The following CCSER1 variants were observed in gnomAD, a reference collection of about 807,000 sequenced individuals.
CCSER1 encodes coiled-coil serine rich protein 1.
Under a neutral mutation model 82.0 loss-of-function variants are expected in CCSER1, and 41 were observed. The ratio of observed to expected loss-of-function variants is 0.50; its 90% CI spans 0.39 to 0.65. CCSER1 has a LOEUF of 0.65. Among genes scored for constraint, CCSER1 ranks in the 30% least tolerant of loss-of-function variants. The pLI is 0.00. For synonymous variants in CCSER1, 414 were observed against 383.9 expected (o/e 1.08, Z -0.92); for missense variants, 1,119 against 1,064.2 (o/e 1.05, Z -0.72).
At chr4:91,254,241 C>T (rs985423512) in intron 10 of CCSER1, among the ~76,000 whole-genome samples, 5 of 152,134 alleles carry the variant, frequency 3.3e-5, no homozygotes, top group Non-Finnish European at 5.9e-5. Flanking sequence ...AGACTTTACT[C>T]GACAACAGCA....
chr4:91,515,265 C>G (rs1343456228), intron 10 of CCSER1, among the ~76,000 whole-genome samples: 1 of 152,008 alleles, frequency 6.6e-6, no homozygotes, highest in African/African-American at 2.4e-5. Flanking sequence ...TAGGTAAAGT[C>G]AAGTCATGGG....
At chr4:91,153,027 C>T (rs1019814609) in intron 10 of CCSER1, among the ~76,000 whole-genome samples, 1 of 151,868 alleles carries the variant, frequency 6.6e-6, no homozygotes, top group African/African-American at 2.4e-5. Context: ...TTGTGGCGTT[C>T]TCTGTATTTC....
intron 10 of CCSER1, among the ~76,000 whole-genome samples, chr4:91,164,794 GTCT>G (rs1464656881): frequency 6.6e-6 from 1 of 152,056 alleles, no homozygotes; most frequent in Non-Finnish European, 1.5e-5. Context: ...GTCATTTAAG[GTCT>G]TCTCCACACT....
chr4:90,579,644 G>A (rs190993477), intron 5 of CCSER1, among the ~76,000 whole-genome samples: 20 of 152,230 alleles, frequency 1.3e-4, no homozygotes, highest in African/African-American at 4.1e-4. Flanking sequence ...ACTAGATGGT[G>A]TAAAACACTA....
At chr4:91,263,919 C>T (rs1012524949) in intron 10 of CCSER1, among the ~76,000 whole-genome samples, 1 of 151,710 alleles carries the variant, frequency 6.6e-6, no homozygotes, top group Non-Finnish European at 1.5e-5. Context: ...TGTGGTTTGT[C>T]AAAATAAAAA....
chr4:91,333,528 C>A (rs964276731), intron 10 of CCSER1, among the ~76,000 whole-genome samples: 7 of 152,002 alleles, frequency 4.6e-5, no homozygotes, highest in African/African-American at 1.7e-4. Context: ...GACAGATTTT[C>A]ATTTTATGAT....
chr4:90,418,696 A>C (rs116307569), intron 4 of CCSER1, among the ~76,000 whole-genome samples: 2,694 of 152,154 alleles, frequency 0.018, 49 homozygotes, highest in African/African-American at 0.036. Flanking sequence ...TGTTAAAATC[A>C]CATGTTCACT....
At chr4:90,543,962 CAGATATTGACAGAA>C in intron 5 of CCSER1, among the ~76,000 whole-genome samples, 1 of 152,192 alleles carries the variant, frequency 6.6e-6, no homozygotes, top group East Asian at 1.9e-4. Flanking sequence ...CACAGTTTTA[CAGATATTGACAGAA>C]AGATATGAGG....
chr4:90,243,080 T>TC, intron 1 of CCSER1, among the ~76,000 whole-genome samples: 1 of 143,080 alleles, frequency 7.0e-6, no homozygotes, highest in South Asian at 2.2e-4. Flanking sequence ...TTTTTTTTTT[T>TC]TAAAATAGGA....
intron 5 of CCSER1, among the ~76,000 whole-genome samples, chr4:90,579,558 T>C (rs919275857): frequency 6.6e-6 from 1 of 152,206 alleles, no homozygotes; most frequent in Non-Finnish European, 1.5e-5. Context: ...CATCTGCTTA[T>C]ATATAATTTT....
At chr4:90,835,074 T>TG (rs1162923720) in intron 8 of CCSER1, among the ~76,000 whole-genome samples, 18 of 152,184 alleles carry the variant, frequency 1.2e-4, no homozygotes, top group Admixed American at 6.5e-5. Context: ...GGCTCACGCC[T>TG]TAATCCCAGC....
At chr4:91,297,850 A>G (rs1383605274) in intron 10 of CCSER1, among the ~76,000 whole-genome samples, 1 of 152,010 alleles carries the variant, frequency 6.6e-6, no homozygotes, top group Non-Finnish European at 1.5e-5. Context: ...AGTGGTAAAA[A>G]CAGTATTTTT....
chr4:91,002,211 A>C (rs1738097793), intron 9 of CCSER1, among the ~76,000 whole-genome samples: 2 of 152,168 alleles, frequency 1.3e-5, no homozygotes, highest in South Asian at 4.1e-4. Flanking sequence ...ACTTTAGATA[A>C]CCTGAAGACA....
chr4:90,855,261 A>G (rs1305533796), intron 8 of CCSER1, among the ~76,000 whole-genome samples: 1 of 152,056 alleles, frequency 6.6e-6, no homozygotes, highest in Non-Finnish European at 1.5e-5. Flanking sequence ...TCATACCACC[A>G]CTTTGCTTCT....
At chr4:91,546,745 TTTTA>T (rs1761910561) in intron 10 of CCSER1, among the ~76,000 whole-genome samples, 1 of 152,034 alleles carries the variant, frequency 6.6e-6, no homozygotes, top group East Asian at 1.9e-4. Context: ...TGGGCTCTAA[TTTTA>T]TTTCTTTATT....
intron 5 of CCSER1, among the ~76,000 whole-genome samples, chr4:90,486,999 C>T (rs1167032145): frequency 6.6e-6 from 1 of 152,196 alleles, no homozygotes; most frequent in Non-Finnish European, 1.5e-5. Context: ...GCAACCCCTG[C>T]CTCCTGGGTT....
chr4:90,504,883 C>CA (rs1164406081), intron 5 of CCSER1, among the ~76,000 whole-genome samples: 1 of 151,946 alleles, frequency 6.6e-6, no homozygotes, highest in Admixed American at 6.6e-5. Flanking sequence ...TATTAAATGC[C>CA]AAAAAACCCA....
At chr4:90,284,503 T>A (rs1047187595) in intron 1 of CCSER1, among the ~76,000 whole-genome samples, 1 of 151,818 alleles carries the variant, frequency 6.6e-6, no homozygotes, top group Non-Finnish European at 1.5e-5. Context: ...GATTTTTTTT[T>A]TTTTTTTTGA....
At chr4:90,295,319 T>C (rs1256122693) in intron 1 of CCSER1, among the ~76,000 whole-genome samples, 2 of 152,030 alleles carry the variant, frequency 1.3e-5, no homozygotes, top group Admixed American at 6.6e-5. Flanking sequence ...TATATACTAC[T>C]TTTTCACCAA....
Sources: gnomAD v4.1 joint callset for allele counts (sites outside exome capture counted in the v4.1 genomes callset) on GRCh38, gnomAD v4.1.1 for gene constraint, MANE v1.5 for transcripts, NCBI Gene and HGNC (gene_info 2026-07-23, HGNC 2026-07-21) for gene names.